The following MINDY2 variants were observed in gnomAD, a reference collection of about 807,000 sequenced individuals.
MINDY2 encodes ubiquitin carboxyl-terminal hydrolase MINDY-2.
Under a neutral mutation model 68.2 loss-of-function variants are expected in MINDY2, and 52 were observed. The ratio of observed to expected loss-of-function variants is 0.76; its 90% CI spans 0.61 to 0.96. The LOEUF is 0.96. MINDY2 is among the 40% of genes least tolerant of loss of function. The pLI is 0.00. For synonymous variants in MINDY2, 372 were observed against 303.0 expected (o/e 1.23, Z -2.36); for missense variants, 881 against 773.4 (o/e 1.14, Z -1.65).
chr15:58,835,424 G>A (rs1260041669), intron 6 of MINDY2, among the ~76,000 whole-genome samples: 18 of 152,056 alleles, frequency 1.2e-4, no homozygotes, highest in African/African-American at 4.3e-4. Flanking sequence ...AGGCCGAGGC[G>A]GGTGAATCAC....
chr15:58,791,439 A>AC (rs1201392121), intron 2 of MINDY2, among the ~76,000 whole-genome samples: 1 of 151,044 alleles, frequency 6.6e-6, no homozygotes, highest in African/African-American at 2.4e-5. Flanking sequence ...ACATGGTGAG[A>AC]CCCCCATCTC....
intron 8 of MINDY2, among the ~76,000 whole-genome samples, chr15:58,853,191 G>A (rs560800125): frequency 1.4e-4 from 21 of 151,736 alleles, no homozygotes; most frequent in African/African-American, 5.1e-4. Context: ...GACCTCAAGT[G>A]ATTCACCCAC....
chr15:58,807,266 G>T (rs975425771), intron 3 of MINDY2, among the ~76,000 whole-genome samples: 1 of 150,230 alleles, frequency 6.7e-6, no homozygotes, highest in Admixed American at 6.6e-5. Context: ...TTATGTATTG[G>T]TTTTTCTTTA....
chr15:58,852,922 G>GTTTTTTTTTTTTTTTTTT (rs746154698), intron 8 of MINDY2, among the ~76,000 whole-genome samples: 2 of 48,930 alleles, frequency 4.1e-5, no homozygotes, highest in African/African-American at 1.5e-4. Flanking sequence ...TGCTGTTCCT[G>GTTTTTTTTTTTTTTTTTT]TTTTTTTTTT....
At chr15:58,782,911 G>GCTTTTT (rs1901241798) in intron 1 of MINDY2, among the ~76,000 whole-genome samples, 1 of 64,470 alleles carries the variant, frequency 1.6e-5, no homozygotes, top group Non-Finnish European at 2.6e-5. Flanking sequence ...TTTTCTCTCT[G>GCTTTTT]TTTTTTTTTT....
In MINDY2 at chr15:58,778,180, A is replaced by T. The variant is rs181619371; in HGVS notation, c.840+5945A>T. Among the ~76,000 whole-genome samples the T allele has an allele frequency of 3.3e-5, 5 of 152,284 alleles. No individual in the cohort carries two copies. In the East Asian group the frequency reaches 9.6e-4, roughly 29 times the overall value. ...TTCTGAGGCCAACATACATACAAAA[A>T]ACTTACATGTAACCTATACTATACA... On this transcript the variant is annotated intron_variant, in intron 1 of 8. Coordinates refer to ENST00000559228, the MANE Select transcript of MINDY2 (RefSeq NM_001040450.3).
At chr15:58,828,979 T>A (rs979467543) in intron 5 of MINDY2, among the ~76,000 whole-genome samples, 7 of 152,332 alleles carry the variant, frequency 4.6e-5, no homozygotes, top group Middle Eastern at 3.4e-3. Context: ...TTTAGTATCA[T>A]CAATTACAAT....
At chr15:58,839,580 C>T (rs2032177955) in intron 6 of MINDY2, among the ~76,000 whole-genome samples, 1 of 152,110 alleles carries the variant, frequency 6.6e-6, no homozygotes, top group Non-Finnish European at 1.5e-5. Context: ...GATCCACCCA[C>T]CTTGGCCTCC....
chr15:58,795,036 C>T (rs1374716233), intron 2 of MINDY2, among the ~76,000 whole-genome samples: 3 of 151,916 alleles, frequency 2.0e-5, no homozygotes, highest in Non-Finnish European at 4.4e-5. Context: ...ATTAGCCGGG[C>T]GTGGTGGCGG....
chr15:58,806,084 C>T (rs1902988525), intron 3 of MINDY2, among the ~76,000 whole-genome samples: 3 of 152,144 alleles, frequency 2.0e-5, no homozygotes, highest in African/African-American at 7.2e-5. Flanking sequence ...AAAAAAACAA[C>T]AAAAGAAAAG....
chr15:58,837,212 G>A (rs2032035708), intron 6 of MINDY2, among the ~76,000 whole-genome samples: 1 of 152,094 alleles, frequency 6.6e-6, no homozygotes, highest in Non-Finnish European at 1.5e-5. Context: ...TTCCTGAGTT[G>A]TTTGTAGCAC....
At chr15:58,823,521 T>A (rs1567062453) in intron 5 of MINDY2, among the ~76,000 whole-genome samples, 1 of 151,588 alleles carries the variant, frequency 6.6e-6, no homozygotes, top group East Asian at 1.9e-4. Context: ...AAAATAAAAA[T>A]AAAAAATTAG....
chr15:58,852,922 GTTTTTTTTTTTTTTTTTTTTT>G lies in MINDY2; in HGVS notation c.1737+985_1737+1005del, dbSNP rs746154698. Among the ~76,000 whole-genome samples, 19 of 48,962 alleles carry G rather than the reference GTTTTTTTTTTTTTTTTTTTTT, an allele frequency of 3.9e-4. 1 individual carries two copies. Among genetic ancestry groups the G allele is most frequent in the African/African-American group, 1.4e-3 (19 of 13,322 alleles). The allele number at this position is 48,962 out of a possible 152,430, so 32.1% of individuals were successfully genotyped here. ...TATACCATGCCAGACTGCTGTTCCT[GTTTTTTTTTTTTTTTTTTTTT>G]TTTTTTTTTTTTTTTTTTTTTTTTT... On this transcript the variant is annotated intron_variant, in intron 8 of 8. Coordinates refer to ENST00000559228, the MANE Select transcript of MINDY2 (RefSeq NM_001040450.3).
intron 5 of MINDY2, among the ~76,000 whole-genome samples, chr15:58,827,556 CGGG>C (rs1567064669): frequency 9.2e-5 from 14 of 152,108 alleles, no homozygotes; most frequent in African/African-American, 3.1e-4. Flanking sequence ...CTCCGCCTTC[CGGG>C]TTCATGCCGT....
intron 3 of MINDY2, among the ~76,000 whole-genome samples, chr15:58,810,014 T>A (rs28412567): frequency 0.16 from 24,468 of 152,210 alleles, 2,202 homozygotes; most frequent in South Asian, 0.33. Context: ...TGACCTCAAG[T>A]GATCCGCCCA....
intron 3 of MINDY2, among the ~76,000 whole-genome samples, chr15:58,809,979 G>A (rs1407933287): frequency 6.6e-6 from 1 of 152,132 alleles, no homozygotes; most frequent in Non-Finnish European, 1.5e-5. Context: ...GTTTCACCAT[G>A]TTGGCCAGGC....
At chr15:58,800,342 A>G (rs1350436124) in intron 2 of MINDY2, among the ~76,000 whole-genome samples, 3 of 152,298 alleles carry the variant, frequency 2.0e-5, no homozygotes, top group African/African-American at 2.4e-5. Flanking sequence ...ATTAGCCTAC[A>G]TATCAGTGTA....
At chr15:58,841,931 T>C (rs2032307450) in intron 6 of MINDY2, among the ~76,000 whole-genome samples, 2 of 152,262 alleles carry the variant, frequency 1.3e-5, no homozygotes, top group South Asian at 4.1e-4. Flanking sequence ...TGATCATGAC[T>C]GTTGGATTCC....
At chr15:58,785,135 C>CAAAAAAAAAAAAAAA (rs397719705) in intron 1 of MINDY2, among the ~76,000 whole-genome samples, 8 of 68,444 alleles carry the variant, frequency 1.2e-4, no homozygotes, top group East Asian at 4.6e-4. Context: ...TGAAGGAAAG[C>CAAAAAAAAAAAAAAA]AAAAAAAAAA....
Sources: gnomAD v4.1 joint callset for allele counts (sites outside exome capture counted in the v4.1 genomes callset) on GRCh38, gnomAD v4.1.1 for gene constraint, MANE v1.5 for transcripts, NCBI Gene and HGNC (gene_info 2026-07-23, HGNC 2026-07-21) for gene names.